Variants in OGDH observed in about 807,000 individuals in gnomAD.
OGDH encodes oxoglutarate dehydrogenase, also known as 2-oxoglutarate dehydrogenase complex component E1.
In OGDH, 38 loss-of-function variants were observed where a neutral mutation model predicts 116.6. The ratio of observed to expected loss-of-function variants is 0.33; its 90% CI spans 0.25 to 0.43. The LOEUF is 0.43. Ranked by LOEUF, OGDH falls within the 20% of genes least tolerant of loss-of-function variation. The pLI is 1.00. For synonymous variants in OGDH, 488 were observed against 533.3 expected (o/e 0.92, Z 1.17); for missense variants, 825 against 1,357.2 (o/e 0.61, Z 6.16).
chr7:44,705,051 C>CTTTTTTTTTTTTTTTTTTTTTTT lies in OGDH; in HGVS notation c.2633-2155_2633-2154insTTTTTTTTTTTTTTTTTTTTTTT, dbSNP rs777624714. ...TTGATGTACAAAAGTTTTTAATTTT[C>CTTTTTTTTTTTTTTTTTTTTTTT]TTTTTTTTTTTTTTTTTTTGAGACG... On this transcript the variant is annotated intron_variant, in intron 20 of 22. Coordinates refer to ENST00000222673, the MANE Select transcript of OGDH (RefSeq NM_002541.4). Among the ~76,000 whole-genome samples, 6 of 93,922 alleles carry CTTTTTTTTTTTTTTTTTTTTTTT rather than the reference C, an allele frequency of 6.4e-5. 1 individual carries two copies. Among genetic ancestry groups the CTTTTTTTTTTTTTTTTTTTTTTT allele is most frequent in the East Asian group, 3.8e-4 (1 of 2,638 alleles). The allele number at this position is 93,922 out of a possible 152,430, so 61.6% of individuals were successfully genotyped here.
rs543278347 is a variant in OGDH, at chr7:44,617,874, A to G, written c.-27-6443A>G. ...GTTTTTGCTAGGTCTTGCCTTTTTA[A>G]TCACCCCCCTACCTAGCCAATGTCA... On this transcript the variant is annotated intron_variant, in intron 1 of 22. Transcript: ENST00000222673. Among the ~76,000 whole-genome samples the G allele has an allele frequency of 1.3e-3, 198 of 152,174 alleles. 1 individual carries two copies. Among genetic ancestry groups the G allele is most frequent in the African/African-American group, 4.6e-3 (191 of 41,496 alleles).
rs371753315 is a variant in OGDH at position 44,708,500 on chromosome 7, G to A, written c.*501G>A. The A allele has an allele frequency of 1.0e-4, 16 of 154,228 alleles. No individual in the cohort carries two copies. Among genetic ancestry groups the A allele is most frequent in the East Asian group, 7.7e-4 (4 of 5,206 alleles). 9.6% of individuals were successfully genotyped at this position (154,228 alleles called of 1,614,324 possible). A position where few individuals can be genotyped will look rare whatever the true frequency, so the allele number is the denominator to read the frequency against. On this transcript the variant is annotated 3_prime_UTR_variant, in exon 23 of 23. Transcript: ENST00000222673. ...GAGGTTTCTAGGGTGGGCCCCAGCCGTGGCGTGAACTGAGGATGACCCGGG... is the reference window on the plus strand; with the variant it reads ...GAGGTTTCTAGGGTGGGCCCCAGCCATGGCGTGAACTGAGGATGACCCGGG...
Position 44,624,443 on chromosome 7 carries a change from T to C in OGDH, c.100T>C (p.Phe34Leu). ...AAACAGACCAGCAGCAGCTAGGACA[T>C]TTCAACAGATTCGGTGCTATTCTGC... ...SQNRPAAART[F>L]QQIRCYSAPV... Residue 34 changes from phenylalanine to leucine, a missense_variant, in exon 2 of 23, where the codon TTT becomes CTT. By Grantham distance (22) the Phe-to-Leu change is conservative (BLOSUM62 0). Coordinates refer to ENST00000222673, the MANE Select transcript of OGDH (RefSeq NM_002541.4). 6.2e-7 allele frequency: 1 copy of C among 1,613,866 alleles called. No homozygotes were observed. The highest frequency in any genetic ancestry group is 1.1e-5 in the South Asian group (1 of 91,040).
chr7:44,657,703 CTT>C (rs1259700497), intron 4 of OGDH, among the ~76,000 whole-genome samples: 1 of 152,124 alleles, frequency 6.6e-6, no homozygotes, highest in African/African-American at 2.4e-5. Context: ...GAACTCTTTC[CTT>C]AGCCCTAGAT....
At chr7:44,646,895 C>T (rs1453689241) in intron 3 of OGDH, among the ~76,000 whole-genome samples, 1 of 152,116 alleles carries the variant, frequency 6.6e-6, no homozygotes, top group Non-Finnish European at 1.5e-5. Context: ...GCACTCCTCC[C>T]CAGTTAAGGC....
At chr7:44,636,388 G>T (rs1785670411) in intron 2 of OGDH, among the ~76,000 whole-genome samples, 1 of 152,238 alleles carries the variant, frequency 6.6e-6, no homozygotes, top group Admixed American at 6.5e-5. Context: ...GAAGGGCAGA[G>T]TCTGCTGCCT....
intron 2 of OGDH, 43 bp downstream of exon 2, chr7:44,624,608 T>C (rs1255336078): frequency 1.3e-6 from 2 of 1,562,278 alleles, no homozygotes; most frequent in Non-Finnish European, 1.8e-6. Flanking sequence ...GTTGGTGTGT[T>C]GGCCTGTTCC....
At chr7:44,641,933 T>C (rs1785960221) in intron 2 of OGDH, among the ~76,000 whole-genome samples, 1 of 152,220 alleles carries the variant, frequency 6.6e-6, no homozygotes. Context: ...GAGTTGATGC[T>C]GAGACATCCT....
chr7:44,646,600 C>T (rs1786194542), intron 3 of OGDH, among the ~76,000 whole-genome samples: 1 of 152,262 alleles, frequency 6.6e-6, no homozygotes, highest in Admixed American at 6.5e-5. Context: ...CAGTTGGCCT[C>T]AGTAACAACT....
At position 44,645,539 on chromosome 7, in the gene OGDH, G is replaced by C. The variant is rs552349765; in HGVS notation, c.414+21G>C. 111 of 1,609,834 alleles carry C rather than the reference G, an allele frequency of 6.9e-5. 1 individual carries two copies. The South Asian group carries it at 1.1e-3, about 16-fold the overall frequency. On this transcript the variant is annotated intron_variant, in intron 3 of 22. Transcript: ENST00000222673. ...ATCAGGTAAGGCGGGTGCTTTACCC[G>C]CACACGGGAAAGGGTGCAGTGTTCC...
rs1788586125 is a variant in OGDH, at chr7:44,696,471, C to T, written c.1814C>T (p.Pro605Leu). Reference protein sequence around the residue: ...LDGQPRSMSCPSTGLTEDILT... With the variant: ...LDGQPRSMSCLSTGLTEDILT... ...GGGCAGCCCAGGAGCATGTCCTGCCCCTCCACGGGTCTGACGGAGGATATT... is the reference window on the plus strand; with the variant it reads ...GGGCAGCCCAGGAGCATGTCCTGCCTCTCCACGGGTCTGACGGAGGATATT... Residue 605 changes from proline (P) to leucine (L), a missense_variant, in exon 14 of 23, where the codon CCC becomes CTC. Physicochemically the swap from Pro to Leu is moderately conservative, Grantham distance 98. Around this residue, in one of 7 missense-constraint regions of OGDH, gnomAD observed 92 missense variants for 129.7 expected, o/e 0.71. Coordinates refer to ENST00000222673, the MANE Select transcript of OGDH (RefSeq NM_002541.4). 3 of 1,614,202 alleles carry T rather than the reference C, an allele frequency of 1.9e-6. No individual in the cohort carries two copies. Among genetic ancestry groups the T allele is most frequent in the Non-Finnish European group, 1.7e-6 (2 of 1,180,044 alleles).
At chr7:44,691,967 A>G (rs1230744919) in intron 10 of OGDH, among the ~76,000 whole-genome samples, 2 of 137,942 alleles carry the variant, frequency 1.4e-5, no homozygotes, top group East Asian at 2.4e-4. Flanking sequence ...GGGAGTCACA[A>G]TGAGACTCTG....
chr7:44,641,308 C>A (rs1158023486), intron 2 of OGDH, among the ~76,000 whole-genome samples: 1 of 149,950 alleles, frequency 6.7e-6, no homozygotes, highest in African/African-American at 2.5e-5. Context: ...TCACTGCAAC[C>A]TCTGCCTCCC....
At chr7:44,670,203 G>C (rs979579445) in intron 5 of OGDH, among the ~76,000 whole-genome samples, 5 of 152,072 alleles carry the variant, frequency 3.3e-5, no homozygotes, top group African/African-American at 1.2e-4. Context: ...TAACCCAATA[G>C]TTTCTTCTGT....
At chr7:44,646,401 G>A (rs995934540) in intron 3 of OGDH, among the ~76,000 whole-genome samples, 3 of 152,274 alleles carry the variant, frequency 2.0e-5, no homozygotes, top group Non-Finnish European at 4.4e-5. Context: ...CAACATAGGG[G>A]AGGTCCTGGG....
In OGDH at chr7:44,702,615, C is replaced by T. The variant is rs557394103; in HGVS notation, c.2632+1000C>T. Among the ~76,000 whole-genome samples, 28 of 151,526 alleles carry T rather than the reference C, an allele frequency of 1.8e-4. No homozygotes were observed. The East Asian group carries it at 2.1e-3, about 12-fold the overall frequency. ...TTTATTTATTTATTTATTTTTGAGA[C>T]GGAGTCTCGCTCTATCGCTCAGGCT... On this transcript the variant is annotated intron_variant, in intron 20 of 22. Coordinates refer to ENST00000222673, the MANE Select transcript of OGDH (RefSeq NM_002541.4).
intron 10 of OGDH, among the ~76,000 whole-genome samples, chr7:44,691,929 G>C (rs1330514172): frequency 7.0e-6 from 1 of 142,000 alleles, no homozygotes; most frequent in Non-Finnish European, 1.5e-5. Flanking sequence ...CTTGCAGTAA[G>C]CAGAGGTGCA....
chr7:44,653,408 A>G (rs1239472697), intron 4 of OGDH, among the ~76,000 whole-genome samples: 1 of 150,494 alleles, frequency 6.6e-6, no homozygotes, highest in African/African-American at 2.4e-5. Context: ...TTATCTTTCA[A>G]GTGTAGCATT....
chr7:44,672,246 G>A (rs1787494462), intron 5 of OGDH, among the ~76,000 whole-genome samples: 1 of 152,126 alleles, frequency 6.6e-6, no homozygotes, highest in Non-Finnish European at 1.5e-5. Flanking sequence ...TTTGTTTCAT[G>A]GTCACGGAGC....
Sources: gnomAD v4.1 joint callset for allele counts (sites outside exome capture counted in the v4.1 genomes callset) on GRCh38, gnomAD v4.1.1 for gene constraint, gnomAD v4.1.1 regional missense constraint, MANE v1.5 for transcripts, NCBI Gene and HGNC (gene_info 2026-07-23, HGNC 2026-07-21) for gene names.